P4HTM: variants seen among roughly 807,000 people sequenced by gnomAD.
The protein encoded by P4HTM is transmembrane prolyl 4-hydroxylase.
P4HTM carries 33 observed loss-of-function variants against 55.3 expected under a neutral mutation model. The observed-to-expected ratio is 0.60, with a 90% CI of 0.45 to 0.80. The LOEUF is 0.80. P4HTM is among the 30% of genes least tolerant of loss of function. The pLI is 0.00. For synonymous variants in P4HTM, 272 were observed against 286.4 expected, an observed-to-expected ratio of 0.95 and a Z score of 0.51; for missense variants, 542 against 696.5, an observed-to-expected ratio of 0.78 and a Z score of 2.50.
chr3:49,006,128 G>C lies in P4HTM; in HGVS notation c.1229G>C (p.Arg410Pro). 6.2e-7 allele frequency: 1 copy of C among 1,612,978 alleles called. No individual in the cohort carries two copies. The highest frequency in any genetic ancestry group is 1.3e-5 in the African/African-American group (1 of 75,044). Residue 410 changes from arginine (R) to proline (P), a missense_variant, in exon 8 of 9, where the codon CGT becomes CCT. Arg to Pro is a moderately radical substitution (Grantham distance 103). Transcript: ENST00000383729. ...AGGCACTGTGACAAGGGAAACCTGC[G>C]TGTCAAGCCCCAACAGGGCACAGCA... ...TRRHCDKGNLRVKPQQGTAVF... is the reference protein window; with the variant it reads ...TRRHCDKGNLPVKPQQGTAVF...
At position 49,006,826 on chromosome 3, in the gene P4HTM, C is replaced by T. The variant is rs2092984703; in HGVS notation, c.1428C>T (p.Arg476=). ...RQALFQQEMA[R]LAREGGTDSQ... The stretch of plus-strand genomic sequence containing the variant: ...CGCTGTTCCAACAGGAGATGGCCCG[C>T]CTTGCCCGAGAAGGGGGCACCGACT... Residue 476 remains arginine, a synonymous_variant, in exon 9 of 9, where the codon CGC becomes CGT. Transcript: ENST00000383729. 1 of 1,613,262 alleles carries T rather than the reference C, an allele frequency of 6.2e-7. No homozygotes were observed. Among genetic ancestry groups the T allele is most frequent in the African/African-American group, 1.3e-5 (1 of 74,954 alleles).
intron 3 of P4HTM, 138 bp downstream of exon 3, chr3:49,001,766 C>A: frequency 1.4e-6 from 1 of 713,424 alleles, no homozygotes; most frequent in Non-Finnish European, 2.3e-6. Flanking sequence ...TGCCCAGACC[C>A]AGGAGGTCCC....
chr3:48,998,586 T>G (rs551086546), intron 2 of P4HTM, among the ~76,000 whole-genome samples: 1 of 152,300 alleles, frequency 6.6e-6, no homozygotes, highest in South Asian at 2.1e-4. Context: ...TTGCCAGCTT[T>G]CCAGTGCACC....
chr3:49,005,879 C>G lies in P4HTM; in HGVS notation c.1164+12C>G. 1 of 1,541,314 alleles carries G rather than the reference C, an allele frequency of 6.5e-7. No individual in the cohort carries two copies. Among genetic ancestry groups the G allele is most frequent in the Non-Finnish European group, 8.8e-7 (1 of 1,141,422 alleles). Reference sequence around the variant, plus strand: ...CCTACGATGAAATGGTAAGGGTCAACTGGGCTATTACTCTTGTGGGCTGGC... The same window carrying G: ...CCTACGATGAAATGGTAAGGGTCAAGTGGGCTATTACTCTTGTGGGCTGGC... On this transcript the variant is annotated intron_variant, in intron 7 of 8. Transcript: ENST00000383729.
At chr3:49,004,058 T>C in intron 4 of P4HTM, 40 bp from the exon 5 acceptor site, 1 of 1,533,292 alleles carries the variant, frequency 6.5e-7, no homozygotes, top group South Asian at 1.2e-5. Context: ...TGCCTCCCAA[T>C]ATGGGCTTGG....
rs1260756507 is a variant in P4HTM, at chr3:49,001,571, G to A, written c.570G>A (p.Gln190=). ...CAATGAGCACTATGCAGGTCAGCCA[G>A]CTGGACCTCTTCCGGCTGCTGGACC... The part of the protein sequence containing the change: ...EEAMSTMQVS[Q]LDLFRLLDQN... The change falls in exon 3 of 9, where the codon CAG becomes CAA. Residue 190 remains glutamine (Q), a synonymous_variant. Transcript: ENST00000383729. 1.9e-6 allele frequency: 3 copies of A among 1,613,652 alleles called. No homozygotes were observed. The African/African-American group carries it at 4.0e-5, about 22-fold the overall frequency.
Position 48,990,405 on chromosome 3 carries a change from G to A in P4HTM, c.149G>A (p.Cys50Tyr). 6.2e-7 allele frequency: 1 copy of A among 1,601,586 alleles called. No homozygotes were observed. The highest frequency in any genetic ancestry group is 2.2e-5 in the East Asian group (1 of 44,558). The change falls in exon 1 of 9, where the codon TGC becomes TAC. Residue 50 changes from cysteine to tyrosine, a missense_variant. Cys to Tyr is a radical substitution (Grantham distance 194). Around this residue, in one of 2 missense-constraint regions of P4HTM, gnomAD observed 536 missense variants for 672.1 expected, o/e 0.80. Coordinates refer to ENST00000383729, the MANE Select transcript of P4HTM (RefSeq NM_177939.3). This position sits in a 1 kb window ranked among gnomAD's most constrained non-coding sequence, Gnocchi z 7.2. The stretch of plus-strand genomic sequence containing the variant: ...GAGGACGCACCGGTGCGTCCGCTGT[G>A]CAAGCCCCGCGGCATCTGCTCGCGC... ...DGEDAPVRPL[C>Y]KPRGICSRAY...
At position 49,001,394 on chromosome 3, in the gene P4HTM, G is replaced by A. The variant is rs753398663; in HGVS notation, c.437-44G>A. On this transcript the variant is annotated intron_variant, in intron 2 of 8. Transcript: ENST00000383729. ...GGAGGAAGGTACTGGGTGCACCAGC[G>A]CCCTGGCTCAGTCCTTGGCCTCACC... 149 of 1,592,822 alleles carry A rather than the reference G, an allele frequency of 9.4e-5. 2 individuals carry two copies. In the South Asian group the frequency reaches 1.4e-3, roughly 15 times the overall value.
At position 49,001,620 on chromosome 3, in the gene P4HTM, C is replaced by A. The variant is rs2106662089; in HGVS notation, c.619C>A (p.Leu207Ile). ...LDQNRDGHLQLREVLAQTRLG... is the reference protein window; with the variant it reads ...LDQNRDGHLQIREVLAQTRLG... The stretch of plus-strand genomic sequence containing the variant: ...CCAGAACCGTGATGGGCACCTTCAG[C>A]TCCGTGAGGTTGGAATCCTGGGACC... Residue 207 changes from leucine (L) to isoleucine (I), a missense_variant, in exon 3 of 9, where the codon CTC (leucine) becomes ATC (isoleucine). By Grantham distance (5) the Leu-to-Ile change is conservative. Coordinates refer to ENST00000383729, the MANE Select transcript of P4HTM (RefSeq NM_177939.3). 6.2e-7 allele frequency: 1 copy of A among 1,609,908 alleles called. No homozygotes were observed. Among genetic ancestry groups the A allele is most frequent in the Non-Finnish European group, 8.5e-7 (1 of 1,177,052 alleles).
In P4HTM at chr3:49,002,813, G is replaced by A. The variant is rs997835056; in HGVS notation, c.724+217G>A. ...CCCCGTTCCCCTTGGTGATGGTCTC[G>A]AGGGCAGTTCTTGGAGACCCTTTTG... On this transcript the variant is annotated intron_variant, in intron 4 of 8. Coordinates refer to ENST00000383729, the MANE Select transcript of P4HTM (RefSeq NM_177939.3). The surrounding 1 kb of genome is among the most constrained non-coding windows in gnomAD (Gnocchi z 4.4). 12 of 649,484 alleles carry A rather than the reference G, an allele frequency of 1.8e-5. No homozygotes were observed. Among genetic ancestry groups the A allele is most frequent in the Admixed American group, 8.7e-5 (4 of 46,126 alleles). 40.2% of individuals were successfully genotyped at this position (649,484 alleles called of 1,614,324 possible).
At position 48,990,882 on chromosome 3, in the gene P4HTM, T is replaced by C; in HGVS notation, c.404T>C (p.Ile135Thr). Reference protein sequence around the residue: ...VQLVTDRDHFIRTLSLKPLLF... With the variant: ...VQLVTDRDHFTRTLSLKPLLF... ...CTGGTCACCGACAGGGATCACTTCA[T>C]CCGAACCCTCAGCCTCAAGCCGCTG... The change falls in exon 2 of 9, where the codon ATC becomes ACC. Residue 135 changes from isoleucine (I) to threonine (T), a missense_variant. By Grantham distance (89) the Ile-to-Thr change is moderately conservative (BLOSUM62 -1). Coordinates refer to ENST00000383729, the MANE Select transcript of P4HTM (RefSeq NM_177939.3). The surrounding 1 kb of genome is among the most constrained non-coding windows in gnomAD (Gnocchi z 7.2). The C allele has an allele frequency of 1.9e-6, 3 of 1,613,922 alleles. No homozygotes were observed. Among genetic ancestry groups the C allele is most frequent in the Non-Finnish European group, 2.5e-6 (3 of 1,179,914 alleles).
intron 6 of P4HTM, chr3:49,005,260 A>G: frequency 2.7e-6 from 4 of 1,490,600 alleles, no homozygotes; most frequent in African/African-American, 1.4e-5. Context: ...TGGAGTCAAC[A>G]CAGACTGATG....
chr3:49,001,298 G>T, intron 2 of P4HTM, 140 bp from the exon 3 acceptor site: 1 of 746,762 alleles, frequency 1.3e-6, no homozygotes, highest in Non-Finnish European at 2.4e-6. Context: ...GAATCAAGGG[G>T]TCTGTAAAAT....
intron 4 of P4HTM, chr3:49,003,162 A>C: frequency 4.4e-6 from 1 of 228,870 alleles, no homozygotes; most frequent in Non-Finnish European, 8.8e-6. Context: ...CTCTGGTAAT[A>C]ACTCTCAGGA....
intron 2 of P4HTM, among the ~76,000 whole-genome samples, chr3:48,993,078 T>C (rs1054599402): frequency 6.6e-6 from 1 of 151,460 alleles, no homozygotes; most frequent in African/African-American, 2.4e-5. Context: ...TCGAGGCGGG[T>C]GGATCACCTG....
At chr3:48,993,299 C>T (rs2092936227) in intron 2 of P4HTM, among the ~76,000 whole-genome samples, 1 of 77,500 alleles carries the variant, frequency 1.3e-5, no homozygotes, top group Admixed American at 1.7e-4. Flanking sequence ...GAAACTCCAT[C>T]TCAAAAAAAA....
At chr3:49,001,176 C>T (rs1182725664) in intron 2 of P4HTM, 3 of 516,842 alleles carry the variant, frequency 5.8e-6, no homozygotes, top group Non-Finnish European at 1.1e-5. Flanking sequence ...CAGGTTAGCT[C>T]TGGCTCACCT....
chr3:49,002,674 G>A lies in P4HTM; in HGVS notation c.724+78G>A, dbSNP rs766913953. On this transcript the variant is annotated intron_variant, in intron 4 of 8. Coordinates refer to ENST00000383729, the MANE Select transcript of P4HTM (RefSeq NM_177939.3). The surrounding 1 kb of genome is among the most constrained non-coding windows in gnomAD (Gnocchi z 4.4). ...CAGGTGCACAATTTTGAAAACTTGG[G>A]CCCTTCCCCCACAGCCAGGCAGCCT... 4.4e-6 allele frequency: 5 copies of A among 1,124,162 alleles called. No individual in the cohort carries two copies. Among genetic ancestry groups the A allele is most frequent in the South Asian group, 1.2e-5 (1 of 81,322 alleles). The allele number at this position is 1,124,162 out of a possible 1,614,324, so 69.6% of individuals were successfully genotyped here. A position where few individuals can be genotyped will look rare whatever the true frequency, so the allele number is the denominator to read the frequency against.
intron 2 of P4HTM, chr3:48,991,673 C>G (rs1223402870): frequency 6.6e-6 from 1 of 152,168 alleles, no homozygotes; most frequent in Admixed American, 6.5e-5. Context: ...AGGATTAGAA[C>G]CCACATAGCC....
Sources: allele counts gnomAD v4.1 joint callset (sites outside exome capture counted in the v4.1 genomes callset), GRCh38; gene constraint gnomAD v4.1.1; regional missense constraint gnomAD v4.1.1; non-coding constraint Gnocchi (gnomAD v3.1); transcripts MANE v1.5; gene names NCBI Gene and HGNC (gene_info 2026-07-23, HGNC 2026-07-21).